Variants in PCIF1 observed in about 807,000 individuals in gnomAD.
PCIF1 encodes phosphorylated CTD interacting factor 1, also known as mRNA (2'-O-methyladenosine-N(6)-)-methyltransferase.
PCIF1 carries 12 observed loss-of-function variants against 86.9 expected under a neutral mutation model. That is an observed-to-expected ratio of 0.14 (90% CI 0.09 to 0.22). The LOEUF is 0.22. Among genes scored for constraint, PCIF1 ranks in the 10% least tolerant of loss-of-function variants. PCIF1 has a pLI of 1.00. For synonymous variants in PCIF1, 397 were observed against 372.0 expected (o/e 1.07, Z -0.77); for missense variants, 701 against 951.1 (o/e 0.74, Z 3.46).
chr20:45,941,618 C>T (rs2083470713), intron 7 of PCIF1, among the ~76,000 whole-genome samples: 1 of 152,104 alleles, frequency 6.6e-6, no homozygotes, highest in Admixed American at 6.6e-5. Flanking sequence ...ACCACCATGC[C>T]CAGCTCATTT....
At chr20:45,945,929 G>A (rs753455955) in intron 12 of PCIF1, 46 bp downstream of exon 12, 2 of 1,613,080 alleles carry the variant, frequency 1.2e-6, no homozygotes, top group Non-Finnish European at 1.7e-6. Context: ...CATGAGTCAG[G>A]GCCTAGGATC....
Position 45,947,220 on chromosome 20 carries a change from T to C in PCIF1, c.1708-43T>C. On this transcript the variant is annotated intron_variant, in intron 15 of 16. Transcript: ENST00000372409. This position sits in a 1 kb window ranked among gnomAD's most constrained non-coding sequence, Gnocchi z 5.4. The stretch of plus-strand genomic sequence containing the variant: ...GCAACAGGCAGGATTGCCAGCCACC[T>C]GGGAGGTAGTCCCTGACATCCACCC... 1 of 1,600,658 alleles carries C rather than the reference T, an allele frequency of 6.2e-7. No homozygotes were observed. The highest frequency in any genetic ancestry group is 1.1e-5 in the South Asian group (1 of 90,254).
Position 45,947,816 on chromosome 20 carries a change from C to A in PCIF1, c.*61C>A. 6.5e-7 allele frequency: 1 copy of A among 1,548,816 alleles called. No individual in the cohort carries two copies. Among genetic ancestry groups the A allele is most frequent in the South Asian group, 1.2e-5 (1 of 84,724 alleles). On this transcript the variant is annotated 3_prime_UTR_variant, in exon 17 of 17. Coordinates refer to ENST00000372409, the MANE Select transcript of PCIF1 (RefSeq NM_022104.4). The surrounding 1 kb of genome is among the most constrained non-coding windows in gnomAD (Gnocchi z 5.4). ...AGTCTGGACTGCTGGGACTCGGGCCCCTGGGGCCTCAGAGGGACCCCGGCT... is the reference window on the plus strand; with the variant it reads ...AGTCTGGACTGCTGGGACTCGGGCCACTGGGGCCTCAGAGGGACCCCGGCT...
chr20:45,944,085 A>G (rs1468051445), intron 10 of PCIF1, among the ~76,000 whole-genome samples: 3 of 152,116 alleles, frequency 2.0e-5, no homozygotes, highest in South Asian at 2.1e-4. Flanking sequence ...ACAGATTGAC[A>G]GCCTGCTTTT....
At chr20:45,935,393 G>C (rs1568788931) in intron 1 of PCIF1, among the ~76,000 whole-genome samples, 1 of 152,200 alleles carries the variant, frequency 6.6e-6, no homozygotes, top group Non-Finnish European at 1.5e-5. Context: ...CGCAGATAGA[G>C]TTGTTTATCC....
In PCIF1 at chr20:45,939,128, T is replaced by C; in HGVS notation, c.124+5T>C. The C allele has an allele frequency of 6.2e-7, 1 of 1,614,012 alleles. No homozygotes were observed. The highest frequency in any genetic ancestry group is 8.5e-7 in the Non-Finnish European group (1 of 1,179,982). On this transcript the variant is annotated splice_donor_5th_base_variant and intron_variant, in intron 3 of 16. Transcript: ENST00000372409. ...GCCTGGTTCAGGACCTCCCAGGTAC[T>C]GAGGGGGAGCAGTAGTGGGGTGGTG...
intron 4 of PCIF1, 115 bp downstream of exon 4, chr20:45,939,454 A>G: frequency 2.1e-6 from 3 of 1,458,018 alleles, no homozygotes; most frequent in Admixed American, 1.9e-5. Flanking sequence ...ACCTGCAGAT[A>G]CAATGACAAG....
At chr20:45,936,410 C>T (rs8118573) in intron 1 of PCIF1, among the ~76,000 whole-genome samples, 1,672 of 148,008 alleles carry the variant, frequency 0.011, 15 homozygotes, top group African/African-American at 0.028. Flanking sequence ...AGGATGGTCC[C>T]GATCTCCTGA....
chr20:45,941,299 G>A, intron 7 of PCIF1, 92 bp downstream of exon 7: 1 of 1,455,798 alleles, frequency 6.9e-7, no homozygotes, highest in Admixed American at 2.1e-5. Flanking sequence ...GGCGGAGTGG[G>A]GCCCAGTGGT....
chr20:45,948,015 C>G lies in PCIF1; in HGVS notation c.*260C>G, dbSNP rs1305212858. 2 of 1,464,014 alleles carry G rather than the reference C, an allele frequency of 1.4e-6. No homozygotes were observed. The highest frequency in any genetic ancestry group is 2.0e-5 in the Admixed American group (1 of 49,316). 90.7% of individuals were successfully genotyped at this position (1,464,014 alleles called of 1,614,324 possible). On this transcript the variant is annotated 3_prime_UTR_variant, in exon 17 of 17. Coordinates refer to ENST00000372409, the MANE Select transcript of PCIF1 (RefSeq NM_022104.4). ...TTTGTAAAAGGAAATACAGAAACCC[C>G]CCCAAGAATGTGTGAGGGTCTTGAG...
rs771209657 is a variant in PCIF1, at chr20:45,943,394, G to A, written c.876G>A (p.Ala292=). 9.9e-6 allele frequency: 16 copies of A among 1,613,882 alleles called. No homozygotes were observed. Among genetic ancestry groups the A allele is most frequent in the Admixed American group, 3.3e-5 (2 of 60,028 alleles). ...EEAKRLLFKY[A]EAARRLIESR... is the part of the protein sequence containing the mutation. ...CCAAGCGCCTGCTCTTTAAATATGC[G>A]GAGGCCGCCAGGCGGCTCATCGAGT... Residue 292 remains alanine (A), a synonymous_variant, in exon 9 of 17, where the codon GCG becomes GCA. Transcript: ENST00000372409. The surrounding 1 kb of genome is among the most constrained non-coding windows in gnomAD (Gnocchi z 5.5).
At chr20:45,942,572 C>T (rs1297523009) in intron 7 of PCIF1, among the ~76,000 whole-genome samples, 2 of 151,994 alleles carry the variant, frequency 1.3e-5, no homozygotes, top group East Asian at 1.9e-4. Flanking sequence ...ATCTCGGCCT[C>T]CTGAAGTGCT....
Position 45,943,051 on chromosome 20 carries a change from A to T in PCIF1, c.674-46A>T, listed in dbSNP as rs1417776322. ...CTATACGTGCCAAGCTCCAAGTGGG[A>T]CTGCTTGATTAAATCCAGGCCTTCA... On this transcript the variant is annotated intron_variant, in intron 7 of 16. Transcript: ENST00000372409. This position sits in a 1 kb window ranked among gnomAD's most constrained non-coding sequence, Gnocchi z 5.5. 10 of 1,590,206 alleles carry T rather than the reference A, an allele frequency of 6.3e-6. No individual in the cohort carries two copies. Among genetic ancestry groups the T allele is most frequent in the Non-Finnish European group, 8.6e-6 (10 of 1,162,866 alleles).
Position 45,946,087 on chromosome 20 carries a change from G to A in PCIF1, c.1400G>A (p.Arg467Gln), listed in dbSNP as rs1158475249. ...DDSAFERFLP[R>Q]VWCLLRRYQM... ...TCTGCCTTTGAGAGGTTCCTGCCCC[G>A]GGTCTGGTGTCTTCTCCGACGGTAC... Residue 467 changes from arginine to glutamine, a missense_variant, in exon 13 of 17, where the codon CGG becomes CAG. Physicochemically the swap from Arg to Gln is conservative, Grantham distance 43. Transcript: ENST00000372409. 2.5e-6 allele frequency: 4 copies of A among 1,614,054 alleles called. No individual in the cohort carries two copies. The highest frequency in any genetic ancestry group is 1.7e-6 in the Non-Finnish European group (2 of 1,180,040).
At position 45,946,043 on chromosome 20, in the gene PCIF1, C is replaced by A; in HGVS notation, c.1356C>A (p.Arg452=). The A allele has an allele frequency of 6.2e-7, 1 of 1,614,194 alleles. No homozygotes were observed. The highest frequency in any genetic ancestry group is 1.3e-5 in the African/African-American group (1 of 75,058). Residue 452 remains arginine, a synonymous_variant, in exon 13 of 17, where the codon CGC becomes CGA. Coordinates refer to ENST00000372409, the MANE Select transcript of PCIF1 (RefSeq NM_022104.4). ...NYFSKLWLLY[R]YSCIDDSAFE... The stretch of plus-strand genomic sequence containing the variant: ...CCGCTCCACAGTGGCTCCTTTACCG[C>A]TACAGCTGCATTGATGACTCTGCCT...
chr20:45,947,199 C>A lies in PCIF1; in HGVS notation c.1707+33C>A. On this transcript the variant is annotated intron_variant, in intron 15 of 16. Coordinates refer to ENST00000372409, the MANE Select transcript of PCIF1 (RefSeq NM_022104.4). This position sits in a 1 kb window ranked among gnomAD's most constrained non-coding sequence, Gnocchi z 5.4. ...CACTGCCAGGGTGAGAGGTGGGCAA[C>A]AGGCAGGATTGCCAGCCACCTGGGA... is the stretch of plus-strand genomic sequence containing the variant. 1 of 1,602,032 alleles carries A rather than the reference C, an allele frequency of 6.2e-7. No individual in the cohort carries two copies. The highest frequency in any genetic ancestry group is 8.5e-7 in the Non-Finnish European group (1 of 1,170,794).
At chr20:45,942,697 T>A (rs1353691687) in intron 7 of PCIF1, among the ~76,000 whole-genome samples, 3 of 148,534 alleles carry the variant, frequency 2.0e-5, no homozygotes, top group Non-Finnish European at 4.5e-5. Flanking sequence ...TCACAGCAGC[T>A]TCAGCCACCC....
intron 2 of PCIF1, among the ~76,000 whole-genome samples, chr20:45,938,644 G>A (rs536705769): frequency 2.6e-5 from 4 of 152,290 alleles, no homozygotes; most frequent in African/African-American, 4.8e-5. Context: ...TGAGTGCTAC[G>A]ACAGAGGTGT....
At chr20:45,935,116 G>A (rs2083408496) in intron 1 of PCIF1, among the ~76,000 whole-genome samples, 2 of 151,552 alleles carry the variant, frequency 1.3e-5, no homozygotes, top group Non-Finnish European at 2.9e-5. Flanking sequence ...GGGGCGGGGG[G>A]CGGAGCCCGA....
Sources: allele counts gnomAD v4.1 joint callset (sites outside exome capture counted in the v4.1 genomes callset), GRCh38; gene constraint gnomAD v4.1.1; non-coding constraint Gnocchi (gnomAD v3.1); transcripts MANE v1.5; gene names NCBI Gene and HGNC (gene_info 2026-07-23, HGNC 2026-07-21).